ATP6V1B1: variants seen among roughly 807,000 people sequenced by gnomAD.
The protein encoded by ATP6V1B1 is ATPase H+ transporting V1 subunit B1.
Under a neutral mutation model 62.1 loss-of-function variants are expected in ATP6V1B1, and 41 were observed. The ratio of observed to expected loss-of-function variants is 0.66; its 90% CI spans 0.51 to 0.86. The LOEUF (loss-of-function observed/expected upper bound fraction) is 0.86, where lower values mean the gene tolerates loss of function less well. Ranked by LOEUF, ATP6V1B1 falls within the 40% of genes least tolerant of loss-of-function variation. The probability of loss-of-function intolerance (pLI) is 0.00; values close to 1 mark genes in which losing one functional copy is unlikely to be tolerated. For synonymous variants in ATP6V1B1, 253 were observed against 273.4 expected, an observed-to-expected ratio of 0.93 and a Z score of 0.74; for missense variants, 651 against 697.5, an observed-to-expected ratio of 0.93 and a Z score of 0.75.
In ATP6V1B1 at chr2:70,962,731, T is replaced by G. The variant is rs1399699558; in HGVS notation, c.786-46T>G. ...CTCAGCCCCCAGGCTATGTGGTGCA[T>G]TAGCCCAGGCCTCCAGGCTCTCTAA... On this transcript the variant is annotated intron_variant, in intron 8 of 13. Coordinates refer to ENST00000234396, the MANE Select transcript of ATP6V1B1 (RefSeq NM_001692.4). 1.9e-6 allele frequency: 3 copies of G among 1,609,500 alleles called. No individual in the cohort carries two copies. In the East Asian group the frequency reaches 6.7e-5, roughly 36 times the overall value.
chr2:70,964,558 T>G lies in ATP6V1B1; in HGVS notation c.1248+16T>G. 1 of 1,612,920 alleles carries G rather than the reference T, an allele frequency of 6.2e-7. No homozygotes were observed. Among genetic ancestry groups the G allele is most frequent in the South Asian group, 1.1e-5 (1 of 91,026 alleles). On this transcript the variant is annotated intron_variant, in intron 12 of 13. Transcript: ENST00000234396. The stretch of plus-strand genomic sequence containing the variant: ...CAACCAGCTGGTAAGGAGAAGAGGG[T>G]CCGGGGGCTGGTAGGTCCTCTAGTT...
At chr2:70,942,444 G>C (rs1354442022) in intron 1 of ATP6V1B1, 2 of 398,528 alleles carry the variant, frequency 5.0e-6, no homozygotes, top group Non-Finnish European at 8.8e-6. Context: ...CTGGTGAAAA[G>C]AGCTTAGATC....
Position 70,965,021 on chromosome 2 carries a change from TC to T in ATP6V1B1, c.1446del (p.Lys483ArgfsTer4). 6.2e-7 allele frequency: 1 copy of T among 1,613,690 alleles called. No homozygotes were observed. On this transcript the variant is annotated frameshift_variant, in exon 14 of 14. Transcript: ENST00000234396. LOFTEE classifies it high-confidence loss of function. ...CTGGGCTGGAAGCTGCTGCGCATCTTCCCCAAGGAGATGCTGAAGCGCATTC... is the reference window on the plus strand; with the variant it reads ...CTGGGCTGGAAGCTGCTGCGCATCTTCCCAAGGAGATGCTGAAGCGCATTC... ...LDLGWKLLRI[F>X]PKEMLKRIPQ...
chr2:70,940,856 A>G, intron 1 of ATP6V1B1: 1 of 984,248 alleles, frequency 1.0e-6, no homozygotes, highest in Non-Finnish European at 1.2e-6. Flanking sequence ...AACACCTTTC[A>G]TAATCCATCC....
chr2:70,936,195 G>A, intron 1 of ATP6V1B1, 123 bp downstream of exon 1: 2 of 1,017,354 alleles, frequency 2.0e-6, no homozygotes, highest in Non-Finnish European at 2.9e-6. Context: ...GGGAGACCTG[G>A]AGGGCTCTCT....
chr2:70,946,333 G>A (rs990353367), intron 2 of ATP6V1B1, among the ~76,000 whole-genome samples: 1 of 152,202 alleles, frequency 6.6e-6, no homozygotes, highest in African/African-American at 2.4e-5. Context: ...GAGTAGTTAA[G>A]TGCAGCACAC....
intron 8 of ATP6V1B1, 109 bp from the exon 9 acceptor site, chr2:70,962,668 C>T: frequency 6.5e-7 from 1 of 1,544,664 alleles, no homozygotes; most frequent in Non-Finnish European, 8.8e-7. Context: ...CATTCCTCTG[C>T]CACTATGCAC....
At position 70,941,682 on chromosome 2, in the gene ATP6V1B1, T is replaced by A. The variant is rs111725928; in HGVS notation, c.119-1976T>A. On this transcript the variant is annotated intron_variant, in intron 1 of 13. Transcript: ENST00000234396. ...TGCCTAGCTTAGTACATAGAAGGCATCCATGCAGTAGATATGCTTGAAGAA... is the reference window on the plus strand; with the variant it reads ...TGCCTAGCTTAGTACATAGAAGGCAACCATGCAGTAGATATGCTTGAAGAA... 2.6e-3 allele frequency: 2,515 copies of A among 965,270 alleles called. 50 individuals carry two copies. The African/African-American group carries it at 0.041, about 16-fold the overall frequency. The allele number at this position is 965,270 out of a possible 1,614,324, so 59.8% of individuals were successfully genotyped here. A position where few individuals can be genotyped will look rare whatever the true frequency, so the allele number is the denominator to read the frequency against.
Position 70,943,642 on chromosome 2 carries a change from C to A in ATP6V1B1, c.119-16C>A, listed in dbSNP as rs1425716273. 1 of 1,613,234 alleles carries A rather than the reference C, an allele frequency of 6.2e-7. No individual in the cohort carries two copies. The highest frequency in any genetic ancestry group is 2.2e-5 in the East Asian group (1 of 44,864). Reference sequence around the variant, plus strand: ...GTTTGGGGTGAGACCCCTACTCACCCCCGCCCCTCCCCCAGCCTACAGGAC... The same window carrying A: ...GTTTGGGGTGAGACCCCTACTCACCACCGCCCCTCCCCCAGCCTACAGGAC... On this transcript the variant is annotated splice_polypyrimidine_tract_variant and intron_variant, in intron 1 of 13. Coordinates refer to ENST00000234396, the MANE Select transcript of ATP6V1B1 (RefSeq NM_001692.4).
intron 4 of ATP6V1B1, 27 bp downstream of exon 4, chr2:70,958,453 G>T: frequency 1.3e-6 from 2 of 1,596,004 alleles, no homozygotes; most frequent in South Asian, 1.1e-5. Flanking sequence ...GGCAGGGGTG[G>T]GGGTGCTCCT....
intron 1 of ATP6V1B1, among the ~76,000 whole-genome samples, chr2:70,943,195 C>T (rs1680048657): frequency 6.6e-6 from 1 of 152,190 alleles, no homozygotes; most frequent in Non-Finnish European, 1.5e-5. Flanking sequence ...CATACACACA[C>T]ACACACACAC....
At position 70,963,359 on chromosome 2, in the gene ATP6V1B1, C is replaced by G; in HGVS notation, c.1060+47C>G. On this transcript the variant is annotated intron_variant, in intron 10 of 13. Transcript: ENST00000234396. The surrounding 1 kb of genome is among the most constrained non-coding windows in gnomAD (Gnocchi z 4.3). ...ACCCTCCAGAGCTCCCCTGTCCTCC[C>G]TTTTCCAACCAGATACTTAAAGGGC... 1 of 1,612,064 alleles carries G rather than the reference C, an allele frequency of 6.2e-7. No homozygotes were observed. The highest frequency in any genetic ancestry group is 8.5e-7 in the Non-Finnish European group (1 of 1,179,834).
intron 8 of ATP6V1B1, 140 bp from the exon 9 acceptor site, chr2:70,962,637 G>GGGGCAAGGGCTCATCTT: frequency 6.5e-6 from 9 of 1,383,730 alleles, no homozygotes; most frequent in Non-Finnish European, 8.9e-6. Context: ...CTAGGGGATG[G>GGGGCAAGGGCTCATCTT]GGGCAAGGGC....
chr2:70,962,847 C>T lies in ATP6V1B1; in HGVS notation c.856C>T (p.His286Tyr). The change falls in exon 9 of 14, where the codon CAT (histidine) becomes TAT (tyrosine). Residue 286 changes from histidine (H) to tyrosine (Y), a missense_variant. Coordinates refer to ENST00000234396, the MANE Select transcript of ATP6V1B1 (RefSeq NM_001692.4). ...ATTCCTTGCCTACCAGTGTGAGAAG[C>T]ATGTGCTGGTCATACTGACGGACAT... ...AEFLAYQCEK[H>Y]VLVILTDMSS... 1 of 1,614,196 alleles carries T rather than the reference C, an allele frequency of 6.2e-7. No homozygotes were observed. Among genetic ancestry groups the T allele is most frequent in the East Asian group, 2.2e-5 (1 of 44,890 alleles).
At chr2:70,954,950 G>A (rs545134701) in intron 2 of ATP6V1B1, among the ~76,000 whole-genome samples, 2 of 152,192 alleles carry the variant, frequency 1.3e-5, no homozygotes, top group African/African-American at 4.8e-5. Context: ...GACAGCTGAC[G>A]ATGAGTGTCA....
Position 70,936,022 on chromosome 2 carries a change from G to A in ATP6V1B1, c.68G>A (p.Arg23Gln), listed in dbSNP as rs782447716. Residue 23 changes from arginine (R) to glutamine (Q), a missense_variant, in exon 1 of 14, where the codon CGA becomes CAA. Transcript: ENST00000234396. ...AGTAGCTGCAACCTAGGTGCAGCCC[G>A]AGAACACATGCAGGCGGTCACCCGA... ...PGSSCNLGAA[R>Q]EHMQAVTRNY... 38 of 1,613,944 alleles carry A rather than the reference G, an allele frequency of 2.4e-5. No homozygotes were observed. The African/African-American group carries it at 3.3e-4, about 14-fold the overall frequency.
chr2:70,958,555 T>A, intron 4 of ATP6V1B1, 129 bp downstream of exon 4: 1 of 889,186 alleles, frequency 1.1e-6, no homozygotes, highest in Non-Finnish European at 1.8e-6. Context: ...TGGTGGGCTC[T>A]TTGAGGTCTG....
chr2:70,959,808 G>T lies in ATP6V1B1; in HGVS notation c.446-131G>T, dbSNP rs150094990. 1.5e-6 allele frequency: 2 copies of T among 1,375,506 alleles called. No individual in the cohort carries two copies. Among genetic ancestry groups the T allele is most frequent in the East Asian group, 2.4e-5 (1 of 41,274 alleles). The allele number at this position is 1,375,506 out of a possible 1,614,324, so 85.2% of individuals were successfully genotyped here. On this transcript the variant is annotated intron_variant, in intron 5 of 13. Transcript: ENST00000234396. The surrounding 1 kb of genome is among the most constrained non-coding windows in gnomAD (Gnocchi z 4.2). ...TATCTAGGGCTACATCAGGCAGCAC[G>T]GCCAGAGCACGTTTCTATCATCACA...
intron 2 of ATP6V1B1, among the ~76,000 whole-genome samples, chr2:70,956,855 G>A (rs1325607430): frequency 6.6e-6 from 1 of 152,090 alleles, no homozygotes. Context: ...AAAGTGCTGG[G>A]ATTACAGGCA....
Sources: allele counts gnomAD v4.1 joint callset (sites outside exome capture counted in the v4.1 genomes callset), GRCh38; gene constraint gnomAD v4.1.1; non-coding constraint Gnocchi (gnomAD v3.1); transcripts MANE v1.5; gene names NCBI Gene and HGNC (gene_info 2026-07-23, HGNC 2026-07-21).